The following NR6A1 variants were observed in gnomAD, a reference collection of about 807,000 sequenced individuals.
NR6A1 encodes the protein retinoic acid receptor-related testis-associated receptor.
NR6A1 carries 7 observed loss-of-function variants against 59.1 expected under a neutral mutation model. The ratio of observed to expected loss-of-function variants is 0.12; its 90% CI spans 0.07 to 0.22. NR6A1 has a LOEUF of 0.22. NR6A1 is among the 10% of genes least tolerant of loss of function. NR6A1 has a pLI of 1.00. For missense variants in NR6A1, 468 were observed against 611.6 expected (o/e 0.77, Z 2.48); for synonymous variants, 243 against 236.1 (o/e 1.03, Z -0.27).
rs1004882800 is a variant in NR6A1 at position 124,770,977 on chromosome 9, G to A, written c.100+43C>T. 4 of 1,085,890 alleles carry A rather than the reference G, an allele frequency of 3.7e-6. No individual in the cohort carries two copies. In the African/African-American group the frequency reaches 4.9e-5, roughly 13 times the overall value. The allele number at this position is 1,085,890 out of a possible 1,614,324, so 67.3% of individuals were successfully genotyped here. A position where few individuals can be genotyped will look rare whatever the true frequency, so the allele number is the denominator to read the frequency against. The stretch of plus-strand genomic sequence containing the variant: ...GGGATCCCTGGCGGAGGCTCAGGAA[G>A]CCGGTTCCTGCCTGGCCCGGGCGTC... On this transcript the variant is annotated intron_variant, in intron 1 of 9. Transcript: ENST00000487099.
chr9:124,698,308 T>C (rs1001985031), intron 2 of NR6A1: 1 of 152,100 alleles, frequency 6.6e-6, no homozygotes, highest in African/African-American at 2.4e-5. Flanking sequence ...AAAACAAAGA[T>C]TTCTTTTAGA....
intron 2 of NR6A1, among the ~76,000 whole-genome samples, chr9:124,589,301 CCGGGCGCGGTGG>C (rs1277775972): frequency 6.6e-6 from 1 of 152,018 alleles, no homozygotes; most frequent in Non-Finnish European, 1.5e-5. Flanking sequence ...AAAAAATTAG[CCGGGCGCGGTGG>C]CGGGCGCCTG....
chr9:124,663,035 T>G (rs1437001185), intron 2 of NR6A1, among the ~76,000 whole-genome samples: 3 of 152,234 alleles, frequency 2.0e-5, no homozygotes, highest in African/African-American at 7.2e-5. Flanking sequence ...AGAAAAACTT[T>G]AAATGAAAAT....
intron 2 of NR6A1, among the ~76,000 whole-genome samples, chr9:124,647,750 G>GA (rs377317566): frequency 0.015 from 1,303 of 88,114 alleles, 15 homozygotes; most frequent in African/African-American, 0.085. Context: ...AAGAAAGAAA[G>GA]AAAGAAAAGA....
chr9:124,544,172 T>C (rs76307861), intron 3 of NR6A1, among the ~76,000 whole-genome samples: 1,572 of 152,368 alleles, frequency 0.01, 27 homozygotes, highest in African/African-American at 0.036. Context: ...TGATGCATCT[T>C]AAGGTTTTGA....
intron 2 of NR6A1, among the ~76,000 whole-genome samples, chr9:124,625,862 G>C (rs1214414310): frequency 6.6e-6 from 1 of 152,158 alleles, no homozygotes; most frequent in Non-Finnish European, 1.5e-5. Flanking sequence ...TCCTACAAGA[G>C]AGAACTCTCC....
intron 2 of NR6A1, among the ~76,000 whole-genome samples, chr9:124,665,476 A>G (rs1204185372): frequency 1.3e-5 from 2 of 152,138 alleles, no homozygotes; most frequent in African/African-American, 4.8e-5. Flanking sequence ...ATGGTAAACC[A>G]CTCTCTCATA....
At position 124,519,754 on chromosome 9, in the gene NR6A1, T is replaced by G. The variant is rs1832758700; in HGVS notation, c.*2951A>C. 6.6e-6 allele frequency: 1 copy of G among 151,734 alleles called. No individual in the cohort carries two copies. Among genetic ancestry groups the G allele is most frequent in the South Asian group, 2.1e-4 (1 of 4,802 alleles). The allele number at this position is 151,734 out of a possible 1,614,324, so 9.4% of individuals were successfully genotyped here. ...TTTCTACTAAAAATACAAAAAAAGT[T>G]AGCCGGGTGTGGTGGCGGGCGCCTG... On this transcript the variant is annotated 3_prime_UTR_variant, in exon 10 of 10. Transcript: ENST00000487099.
chr9:124,588,860 C>A (rs904231144), intron 2 of NR6A1, among the ~76,000 whole-genome samples: 3 of 143,744 alleles, frequency 2.1e-5, no homozygotes, highest in Non-Finnish European at 4.5e-5. Flanking sequence ...GCAGAGCTTG[C>A]AGTGAGCCGA....
At chr9:124,759,413 C>T (rs924981221) in intron 1 of NR6A1, among the ~76,000 whole-genome samples, 1 of 152,178 alleles carries the variant, frequency 6.6e-6, no homozygotes, top group Non-Finnish European at 1.5e-5. Flanking sequence ...GCCTATCAAA[C>T]CTTGGATTTA....
intron 1 of NR6A1, among the ~76,000 whole-genome samples, chr9:124,738,008 C>T (rs1840062614): frequency 6.6e-6 from 1 of 152,150 alleles, no homozygotes; most frequent in African/African-American, 2.4e-5. Flanking sequence ...GTAATTCCAG[C>T]ACTTTGGGAG....
At chr9:124,711,707 G>A (rs1199233078) in intron 2 of NR6A1, among the ~76,000 whole-genome samples, 2 of 152,134 alleles carry the variant, frequency 1.3e-5, no homozygotes, top group African/African-American at 4.8e-5. Flanking sequence ...AATATTCAAA[G>A]AAAAGTGACC....
chr9:124,582,753 T>C (rs2131464100), intron 2 of NR6A1, among the ~76,000 whole-genome samples: 1 of 152,150 alleles, frequency 6.6e-6, no homozygotes, highest in East Asian at 1.9e-4. Flanking sequence ...CTGGGCATGG[T>C]GGTGTGTGCC....
rs768408083 is a variant in NR6A1, at chr9:124,518,619, C to T, written c.*4086G>A. 2 of 152,024 alleles carry T rather than the reference C, an allele frequency of 1.3e-5. No homozygotes were observed. The highest frequency in any genetic ancestry group is 2.4e-5 in the African/African-American group (1 of 41,352). The allele number at this position is 152,024 out of a possible 1,614,324, so 9.4% of individuals were successfully genotyped here. A position where few individuals can be genotyped will look rare whatever the true frequency, so the allele number is the denominator to read the frequency against. ...ATTTCACAGATACTGGACATAGATG[C>T]TTCAAGCCAAGGAGAAAGGGAGGAT... is the stretch of plus-strand genomic sequence containing the variant. On this transcript the variant is annotated 3_prime_UTR_variant, in exon 10 of 10. Coordinates refer to ENST00000487099, the MANE Select transcript of NR6A1 (RefSeq NM_033334.4).
rs564264605 is a variant in NR6A1 at position 124,670,602 on chromosome 9, G to A, written c.142+62706C>T. Reference sequence around the variant, plus strand: ...CAGCAAAAGTCATGATCCATTTATGGTTCACTGTCAACAAATAGTGACCGG... The same window carrying A: ...CAGCAAAAGTCATGATCCATTTATGATTCACTGTCAACAAATAGTGACCGG... On this transcript the variant is annotated intron_variant, in intron 2 of 9. Coordinates refer to ENST00000487099, the MANE Select transcript of NR6A1 (RefSeq NM_033334.4). 6.1e-4 allele frequency among the ~76,000 whole-genome samples: 91 copies of A among 150,032 alleles called. 1 individual carries two copies. The South Asian group carries it at 0.018, about 30-fold the overall frequency.
intron 2 of NR6A1, among the ~76,000 whole-genome samples, chr9:124,555,132 C>T (rs992181393): frequency 2.6e-5 from 4 of 152,196 alleles, no homozygotes; most frequent in African/African-American, 9.7e-5. Context: ...TATTCTGTGT[C>T]CAGGCCCTGT....
chr9:124,599,054 T>C, intron 2 of NR6A1: 4 of 732,930 alleles, frequency 5.5e-6, no homozygotes, highest in South Asian at 4.3e-5. Context: ...CCCCTTCTCC[T>C]TGTGCTTCAG....
chr9:124,758,568 T>A (rs1398031373), intron 1 of NR6A1, among the ~76,000 whole-genome samples: 1 of 152,214 alleles, frequency 6.6e-6, no homozygotes, highest in African/African-American at 2.4e-5. Flanking sequence ...AAAAAAGTGA[T>A]CTTGTTTAAA....
intron 2 of NR6A1, among the ~76,000 whole-genome samples, chr9:124,658,931 GGA>G (rs368501917): frequency 6.6e-6 from 1 of 152,092 alleles, no homozygotes; most frequent in African/African-American, 2.4e-5. Context: ...TAACGCAGCT[GGA>G]GAGAGTTATG....
Sources: allele counts gnomAD v4.1 joint callset (sites outside exome capture counted in the v4.1 genomes callset), GRCh38; gene constraint gnomAD v4.1.1; transcripts MANE v1.5; gene names NCBI Gene and HGNC (gene_info 2026-07-23, HGNC 2026-07-21).